OPCML: variants seen among roughly 807,000 people sequenced by gnomAD.
OPCML encodes the protein opioid binding protein/cell adhesion molecule like, also known as opioid-binding protein/cell adhesion molecule.
A neutral mutation model predicts 37.8 loss-of-function variants in OPCML; 13 were observed. That is an observed-to-expected ratio of 0.34 (90% CI 0.22 to 0.55). The LOEUF (loss-of-function observed/expected upper bound fraction) is 0.55, where lower values mean the gene tolerates loss of function less well. Ranked by LOEUF, OPCML falls within the 20% of genes least tolerant of loss-of-function variation. The probability of loss-of-function intolerance (pLI) is 0.91; values close to 1 mark genes in which losing one functional copy is unlikely to be tolerated. For synonymous variants in OPCML, 176 were observed against 168.8 expected (o/e 1.04, Z -0.33); for missense variants, 341 against 435.6 (o/e 0.78, Z 1.93).
intron 2 of OPCML, among the ~76,000 whole-genome samples, chr11:132,849,269 G>A (rs1941690527): frequency 6.6e-6 from 1 of 152,180 alleles, no homozygotes; most frequent in South Asian, 2.1e-4. Flanking sequence ...TAGAACTTAG[G>A]AGTTCAAGGG....
chr11:132,474,468 C>T (rs541413116), intron 4 of OPCML, among the ~76,000 whole-genome samples: 1 of 152,186 alleles, frequency 6.6e-6, no homozygotes, highest in South Asian at 2.1e-4. Flanking sequence ...CTCTTCAGTC[C>T]TTGCTGGCCC....
At chr11:132,799,580 C>T (rs1330378190) in intron 2 of OPCML, among the ~76,000 whole-genome samples, 8 of 152,052 alleles carry the variant, frequency 5.3e-5, no homozygotes, top group Admixed American at 3.3e-4. Flanking sequence ...GATTACAGAT[C>T]TCCATAACAG....
chr11:132,600,875 G>A (rs931238964), intron 3 of OPCML, among the ~76,000 whole-genome samples: 1 of 115,504 alleles, frequency 8.7e-6, no homozygotes, highest in African/African-American at 3.4e-5. Context: ...GTAGAGACAC[G>A]GTCTCTATAT....
intron 1 of OPCML, among the ~76,000 whole-genome samples, chr11:132,967,178 T>A (rs1946235567): frequency 6.6e-6 from 1 of 152,144 alleles, no homozygotes; most frequent in African/African-American, 2.4e-5. Context: ...TTTATTGAGA[T>A]ATTTTATTAG....
At chr11:132,873,474 G>A (rs1264362363) in intron 2 of OPCML, among the ~76,000 whole-genome samples, 1 of 152,088 alleles carries the variant, frequency 6.6e-6, no homozygotes, top group African/African-American at 2.4e-5. Context: ...ATGGGTACAA[G>A]TCCACCCTTG....
At chr11:132,537,420 A>C (rs1429106185) in intron 3 of OPCML, among the ~76,000 whole-genome samples, 1 of 152,226 alleles carries the variant, frequency 6.6e-6, no homozygotes, top group Non-Finnish European at 1.5e-5. Context: ...TTCATACCAT[A>C]TACAAAAATT....
chr11:133,424,578 T>C (rs1404702582), intron 1 of OPCML, among the ~76,000 whole-genome samples: 1 of 152,194 alleles, frequency 6.6e-6, no homozygotes, highest in Non-Finnish European at 1.5e-5. Flanking sequence ...CAGTGTCCCA[T>C]CCTGTGGCTA....
chr11:132,911,144 G>T (rs1260007716), intron 2 of OPCML, among the ~76,000 whole-genome samples: 1 of 152,204 alleles, frequency 6.6e-6, no homozygotes, highest in African/African-American at 2.4e-5. Flanking sequence ...CCTTGCAAAA[G>T]TCTGCGTGTA....
chr11:132,459,699 T>C (rs1194021959), intron 4 of OPCML, among the ~76,000 whole-genome samples: 1 of 151,038 alleles, frequency 6.6e-6, no homozygotes, highest in African/African-American at 2.4e-5. Flanking sequence ...CACTGCGATA[T>C]GCATATCTTC....
At chr11:132,584,600 G>C (rs761813760) in intron 3 of OPCML, among the ~76,000 whole-genome samples, 1 of 152,210 alleles carries the variant, frequency 6.6e-6, no homozygotes, top group Admixed American at 6.5e-5. Flanking sequence ...GCTGCTCTCT[G>C]TAAACAGAGA....
chr11:132,482,615 C>G (rs1289548595), intron 4 of OPCML, among the ~76,000 whole-genome samples: 2 of 151,976 alleles, frequency 1.3e-5, no homozygotes, highest in African/African-American at 2.4e-5. Flanking sequence ...GAGACACAAC[C>G]AAAAAAGAGA....
At chr11:133,382,232 T>C (rs992300313) in intron 1 of OPCML, among the ~76,000 whole-genome samples, 1 of 152,230 alleles carries the variant, frequency 6.6e-6, no homozygotes, top group Non-Finnish European at 1.5e-5. Flanking sequence ...TGGCCTCCAA[T>C]TAATGGCCAG....
chr11:132,627,267 T>C (rs979240100), intron 3 of OPCML, among the ~76,000 whole-genome samples: 1 of 152,170 alleles, frequency 6.6e-6, no homozygotes, highest in African/African-American at 2.4e-5. Flanking sequence ...AACCTGTAGG[T>C]GAAATGTCAA....
At chr11:133,040,462 C>G (rs1414948802) in intron 1 of OPCML, among the ~76,000 whole-genome samples, 7 of 152,226 alleles carry the variant, frequency 4.6e-5, no homozygotes, top group Non-Finnish European at 8.8e-5. Flanking sequence ...CCCATCTGGC[C>G]CCTCCAGTCC....
chr11:133,496,956 C>T lies in OPCML; in HGVS notation c.61+35308G>A, dbSNP rs145580743. Among the ~76,000 whole-genome samples the T allele has an allele frequency of 2.1e-3, 322 of 152,142 alleles. 1 individual carries two copies. The highest frequency in any genetic ancestry group is 6.8e-3 in the Middle Eastern group (2 of 294). On this transcript the variant is annotated intron_variant, in intron 1 of 7. Coordinates refer to ENST00000524381, the MANE Select transcript of OPCML (RefSeq NM_001012393.5). The stretch of plus-strand genomic sequence containing the variant: ...TACTATATTGAAGAGGAGTGGTGAG[C>T]GTGGGCATCCCTGTCTTGTTCCCGT...
At chr11:133,292,810 C>T (rs1942516729) in intron 1 of OPCML, among the ~76,000 whole-genome samples, 2 of 152,182 alleles carry the variant, frequency 1.3e-5, no homozygotes, top group Non-Finnish European at 2.9e-5. Context: ...CTAAATCTCA[C>T]TCCCTACCAC....
chr11:132,873,163 T>C (rs1485693138), intron 2 of OPCML, among the ~76,000 whole-genome samples: 3 of 152,176 alleles, frequency 2.0e-5, no homozygotes, highest in African/African-American at 7.2e-5. Context: ...TGGTTAAAAG[T>C]CAACCAATAG....
At chr11:132,951,907 G>T (rs1945868644) in intron 1 of OPCML, among the ~76,000 whole-genome samples, 1 of 152,212 alleles carries the variant, frequency 6.6e-6, no homozygotes, top group African/African-American at 2.4e-5. Flanking sequence ...CCCTGGAGGG[G>T]CTGTCCAGAT....
At chr11:133,287,627 G>A (rs972329733) in intron 1 of OPCML, among the ~76,000 whole-genome samples, 4 of 152,110 alleles carry the variant, frequency 2.6e-5, no homozygotes, top group African/African-American at 9.7e-5. Flanking sequence ...TGGAGAATGG[G>A]CTGCAGCGCC....
Sources: gnomAD v4.1 joint callset for allele counts (sites outside exome capture counted in the v4.1 genomes callset) on GRCh38, gnomAD v4.1.1 for gene constraint, MANE v1.5 for transcripts, NCBI Gene and HGNC (gene_info 2026-07-23, HGNC 2026-07-21) for gene names.